Variants in GATA1 observed in about 807,000 individuals in gnomAD.
GATA1 encodes GATA binding protein 1.
GATA1 carries 2 observed loss-of-function variants against 18.9 expected under a neutral mutation model. The observed-to-expected ratio is 0.11, with a 90% CI of 0.04 to 0.33. The LOEUF (loss-of-function observed/expected upper bound fraction) is 0.33, where lower values mean the gene tolerates loss of function less well. Among genes scored for constraint, GATA1 ranks in the 10% least tolerant of loss-of-function variants. GATA1 has a pLI of 1.00. For missense variants in GATA1, 272 were observed against 344.7 expected (o/e 0.79, Z 1.67); for synonymous variants, 152 against 149.1 (o/e 1.02, Z -0.14).
intron 1 of GATA1, 47 bp from the exon 2 acceptor site, chrX:48,791,044 T>TG (rs1194323143): frequency 2.3e-5 from 19 of 842,724 alleles, no homozygotes; most frequent in African/African-American, 5.0e-5. Flanking sequence ...TGAAAGGAGG[T>TG]GGGGGGGAAG....
chrX:48,792,184 T>C lies in GATA1; in HGVS notation c.561T>C (p.Ser187=), dbSNP rs2147306665. 8.3e-7 allele frequency: 1 copy of C among 1,211,069 alleles called. No individual in the cohort carries two copies. ...CCCTCAATTCAGCAGCCTATTCCTCTCCCAAGCTTCGTGGAACTCTCCCCC... is the reference window on the plus strand; with the variant it reads ...CCCTCAATTCAGCAGCCTATTCCTCCCCCAAGCTTCGTGGAACTCTCCCCC... ...GSPLNSAAYS[S]PKLRGTLPLP... is the part of the protein sequence containing the mutation. Residue 187 remains serine, a synonymous_variant, in exon 3 of 6, where the codon TCT becomes TCC. Transcript: ENST00000376670.
chrX:48,790,471 G>T (rs1486034587), intron 1 of GATA1, among the ~76,000 whole-genome samples: 1 of 109,720 alleles, frequency 9.1e-6, no homozygotes, highest in East Asian at 2.9e-4. Flanking sequence ...GTGTGGATGG[G>T]GGAGAGGGAG....
chrX:48,794,268 A>G lies in GATA1; in HGVS notation c.*104A>G. 1.0e-6 allele frequency: 1 copy of G among 979,594 alleles called. No individual in the cohort carries two copies. The highest frequency in any genetic ancestry group is 1.4e-6 in the Non-Finnish European group (1 of 714,136). 80.7% of individuals were successfully genotyped at this position (979,594 alleles called of 1,213,427 possible). On this transcript the variant is annotated 3_prime_UTR_variant, in exon 6 of 6. Coordinates refer to ENST00000376670, the MANE Select transcript of GATA1 (RefSeq NM_002049.4). ...TGGGCCCCAGGCACCCCCTGGCTTG[A>G]ACCTTCAAAGCTTTTGTAAAATAAA...
In GATA1 at chrX:48,794,204, TCTC is replaced by T. The variant is rs782644697; in HGVS notation, c.*44_*46del. Reference sequence around the variant, plus strand: ...GCCTCCAGAGGAGGGGTGGTGTCCTTCTCCTCTTGTAGCCAGAATTCTGGACAA... The same window carrying T: ...GCCTCCAGAGGAGGGGTGGTGTCCTTCTCTTGTAGCCAGAATTCTGGACAA... On this transcript the variant is annotated 3_prime_UTR_variant, in exon 6 of 6. Coordinates refer to ENST00000376670, the MANE Select transcript of GATA1 (RefSeq NM_002049.4). The T allele has an allele frequency of 1.7e-4, 201 of 1,191,845 alleles. No homozygotes were observed. In the South Asian group the frequency reaches 3.4e-3, roughly 20 times the overall value.
chrX:48,794,304 T>A lies in GATA1; in HGVS notation c.*140T>A. On this transcript the variant is annotated 3_prime_UTR_variant, in exon 6 of 6. Transcript: ENST00000376670. ...CTTTTGTAAAATAAAACCACCAAAG[T>A]CCTGAAATTGTGGGTGTGTCTATGT... The A allele has an allele frequency of 1.4e-6, 1 of 737,258 alleles. No homozygotes were observed. The highest frequency in any genetic ancestry group is 2.0e-6 in the Non-Finnish European group (1 of 506,858). 60.8% of individuals were successfully genotyped at this position (737,258 alleles called of 1,213,427 possible).
intron 1 of GATA1, among the ~76,000 whole-genome samples, chrX:48,789,303 T>C (rs1335305203): frequency 1.1e-5 from 1 of 91,435 alleles, no homozygotes; most frequent in Non-Finnish European, 2.1e-5. Flanking sequence ...TGAGACTCCG[T>C]CTCAAAAAAA....
chrX:48,792,464 G>T lies in GATA1; in HGVS notation c.740G>T (p.Arg247Leu). 1 of 1,211,569 alleles carries T rather than the reference G, an allele frequency of 8.3e-7. No homozygotes were observed. Among genetic ancestry groups the T allele is most frequent in the South Asian group, 1.8e-5 (1 of 57,005 alleles). Reference protein sequence around the residue: ...QNRPLIRPKKRLIVSKRAGTQ... With the variant: ...QNRPLIRPKKLLIVSKRAGTQ... The stretch of plus-strand genomic sequence containing the variant: ...AGGCCCCTCATCCGGCCCAAGAAGC[G>T]CCTGGTAAGACCACAGACCTGCTTC... Residue 247 changes from arginine (R) to leucine (L), a missense_variant, in exon 4 of 6, where the codon CGC becomes CTC. This residue lies in a region of GATA1 where 42 missense variants were observed against 103.2 expected (regional missense o/e 0.41). Transcript: ENST00000376670.
In GATA1 at chrX:48,791,123, G is replaced by A; in HGVS notation, c.14G>A (p.Gly5Asp). The change falls in exon 2 of 6, where the codon GGC becomes GAC. Residue 5 changes from glycine (G) to aspartate (D), a missense_variant. By Grantham distance (94) the Gly-to-Asp change is moderately conservative (BLOSUM62 -1). Coordinates refer to ENST00000376670, the MANE Select transcript of GATA1 (RefSeq NM_002049.4). ...CCCAGAGGCTCCATGGAGTTCCCTG[G>A]CCTGGGGTCCCTGGGGACCTCAGAG... is the stretch of plus-strand genomic sequence containing the variant. MEFP[G>D]LGSLGTSEPL... The A allele has an allele frequency of 8.3e-7, 1 of 1,207,883 alleles. No individual in the cohort carries two copies. Among genetic ancestry groups the A allele is most frequent in the African/African-American group, 1.7e-5 (1 of 57,749 alleles).
chrX:48,793,913 G>C lies in GATA1; in HGVS notation c.991G>C (p.Ala331Pro), dbSNP rs1213127374. 3 of 1,205,888 alleles carry C rather than the reference G, an allele frequency of 2.5e-6. No homozygotes were observed. The highest frequency in any genetic ancestry group is 3.5e-5 in the African/African-American group (2 of 57,538). Residue 331 changes from alanine (A) to proline (P), a missense_variant, in exon 6 of 6, where the codon GCT (alanine) becomes CCT (proline). Transcript: ENST00000376670. ...AGGCACAGGAGCAGCCGAAGGACCAGCTGGTGGCTTTATGGTGGTGGCTGG... is the reference window on the plus strand; with the variant it reads ...AGGCACAGGAGCAGCCGAAGGACCACCTGGTGGCTTTATGGTGGTGGCTGG... Reference protein sequence around the residue: ...LGGTGAAEGPAGGFMVVAGGS... With the variant: ...LGGTGAAEGPPGGFMVVAGGS...
In GATA1 at chrX:48,793,904, G is replaced by A. The variant is rs1418790540; in HGVS notation, c.982G>A (p.Glu328Lys). ...CAGTCTGGGAGGCACAGGAGCAGCC[G>A]AAGGACCAGCTGGTGGCTTTATGGT... ...GSSLGGTGAA[E>K]GPAGGFMVVA... The change falls in exon 6 of 6, where the codon GAA becomes AAA. Residue 328 changes from glutamate to lysine, a missense_variant. Glu to Lys is a moderately conservative substitution (Grantham distance 56). Transcript: ENST00000376670. 10 of 1,205,950 alleles carry A rather than the reference G, an allele frequency of 8.3e-6. No individual in the cohort carries two copies. The highest frequency in any genetic ancestry group is 7.0e-5 in the African/African-American group (4 of 57,486).
chrX:48,789,993 GAAGA>G (rs782157447), intron 1 of GATA1, among the ~76,000 whole-genome samples: 6 of 109,556 alleles, frequency 5.5e-5, no homozygotes, highest in Middle Eastern at 4.7e-3. Flanking sequence ...GAGGGGGAGG[GAAGA>G]AAGGACGGGG....
Position 48,793,793 on chromosome X carries a change from G to A in GATA1, c.871G>A (p.Val291Met). ...ACGLYYKLHQ[V>M]NRPLTMRKDG... is the part of the protein sequence containing the mutation. ...ACACCCGCAGCCTCCTTTTTGGCAGGTGAACCGGCCACTGACCATGCGGAA... is the reference window on the plus strand; with the variant it reads ...ACACCCGCAGCCTCCTTTTTGGCAGATGAACCGGCCACTGACCATGCGGAA... The change falls in exon 6 of 6, where the codon GTG becomes ATG. Residue 291 changes from valine (V) to methionine (M), a missense_variant and splice_region_variant. By Grantham distance (21) the Val-to-Met change is conservative. This residue lies in a region of GATA1 where 42 missense variants were observed against 103.2 expected (regional missense o/e 0.41). Transcript: ENST00000376670. 2 of 1,210,647 alleles carry A rather than the reference G, an allele frequency of 1.7e-6. No individual in the cohort carries two copies. The highest frequency in any genetic ancestry group is 3.5e-5 in the South Asian group (2 of 56,597).
chrX:48,790,214 A>C (rs1281005866), intron 1 of GATA1, among the ~76,000 whole-genome samples: 1 of 110,031 alleles, frequency 9.1e-6, no homozygotes, highest in Non-Finnish European at 1.9e-5. Flanking sequence ...GTACTTTGGG[A>C]GGCTGAGGTG....
intron 1 of GATA1, among the ~76,000 whole-genome samples, chrX:48,788,291 T>C (rs1392031077): frequency 2.0e-5 from 2 of 100,782 alleles, no homozygotes; most frequent in Non-Finnish European, 4.1e-5. Context: ...AAAAGAGACA[T>C]GAAGAGAAAG....
At chrX:48,790,726 G>A (rs2062671591) in intron 1 of GATA1, among the ~76,000 whole-genome samples, 1 of 101,840 alleles carries the variant, frequency 9.8e-6, no homozygotes, top group South Asian at 5.0e-4. Context: ...AAGGGGGGAA[G>A]AAGAGAGAGA....
chrX:48,787,462 G>A (rs1602216279), intron 1 of GATA1, among the ~76,000 whole-genome samples: 1 of 110,476 alleles, frequency 9.1e-6, no homozygotes, highest in African/African-American at 3.3e-5. Context: ...GCCACATTCT[G>A]TCTGCCCAAA....
In GATA1 at chrX:48,794,110, A is replaced by G; in HGVS notation, c.1188A>G (p.Thr396=). ...GCTCACCCACGGGCTCCTTCCCCACAGGCCCCATGCCCCCCACCACCAGCA... is the reference window on the plus strand; with the variant it reads ...GCTCACCCACGGGCTCCTTCCCCACGGGCCCCATGCCCCCCACCACCAGCA... ...LLGSPTGSFP[T]GPMPPTTSTT... The change falls in exon 6 of 6, where the codon ACA becomes ACG. Residue 396 remains threonine (T), a synonymous_variant. Coordinates refer to ENST00000376670, the MANE Select transcript of GATA1 (RefSeq NM_002049.4). The G allele has an allele frequency of 8.4e-7, 1 of 1,191,551 alleles. No homozygotes were observed. Among genetic ancestry groups the G allele is most frequent in the Non-Finnish European group, 1.1e-6 (1 of 885,354 alleles).
At chrX:48,788,006 CTT>C (rs2062663177) in intron 1 of GATA1, among the ~76,000 whole-genome samples, 1 of 111,078 alleles carries the variant, frequency 9.0e-6, no homozygotes, top group Admixed American at 9.6e-5. Context: ...TCGAGATAAA[CTT>C]TATCTCTGTC....
At chrX:48,789,381 G>C in intron 1 of GATA1, among the ~76,000 whole-genome samples, 1 of 111,510 alleles carries the variant, frequency 9.0e-6, no homozygotes, top group Non-Finnish European at 1.9e-5. Flanking sequence ...CAGAAAGCTG[G>C]GGAAGCTACA....
Sources: gnomAD v4.1 joint callset for allele counts (sites outside exome capture counted in the v4.1 genomes callset) on GRCh38, gnomAD v4.1.1 for gene constraint, gnomAD v4.1.1 regional missense constraint, MANE v1.5 for transcripts, NCBI Gene and HGNC (gene_info 2026-07-23, HGNC 2026-07-21) for gene names.